SLC18B1: variants seen among roughly 807,000 people sequenced by gnomAD.
SLC18B1 encodes the protein MFS-type transporter SLC18B1.
In SLC18B1, 62 loss-of-function variants were observed where a neutral mutation model predicts 53.9. The observed-to-expected ratio is 1.15, with a 90% confidence interval of 0.94 to 1.42. The LOEUF is 1.42. Among genes scored for constraint, SLC18B1 ranks in the 40% most tolerant of loss-of-function variants. SLC18B1 has a pLI of 0.00. For missense variants in SLC18B1, 598 were observed against 547.3 expected, an observed-to-expected ratio of 1.09 and a Z score of -0.93; for synonymous variants, 217 against 200.9, an observed-to-expected ratio of 1.08 and a Z score of -0.68.
chr6:132,770,980 A>G (rs1337416171), intron 12 of SLC18B1, 41 bp from the exon 13 acceptor site: 4 of 1,610,860 alleles, frequency 2.5e-6, no homozygotes. Context: ...TAAATTTTCC[A>G]AGTCAAGTTT....
In SLC18B1 at chr6:132,794,259, A is replaced by T. The variant is rs190518455; in HGVS notation, c.183+2723T>A. Among the ~76,000 whole-genome samples, 27 of 151,946 alleles carry T rather than the reference A, an allele frequency of 1.8e-4. No individual in the cohort carries two copies. The East Asian group carries it at 5.2e-3, about 29-fold the overall frequency. On this transcript the variant is annotated intron_variant, in intron 2 of 13. Coordinates refer to ENST00000275227, the MANE Select transcript of SLC18B1 (RefSeq NM_052831.3). ...GCTGGGACTACAGTCACGTGCCACC[A>T]TGCCTGGCTAATTTTTGTATTTTTA...
intron 2 of SLC18B1, among the ~76,000 whole-genome samples, chr6:132,791,831 G>A (rs118117902): frequency 0.02 from 3,113 of 152,238 alleles, 48 homozygotes; most frequent in Middle Eastern, 0.055. Context: ...GTGACAAATG[G>A]TTATGCTGTA....
chr6:132,783,052 G>C (rs1257220754), intron 6 of SLC18B1, among the ~76,000 whole-genome samples: 1 of 152,150 alleles, frequency 6.6e-6, no homozygotes, highest in Admixed American at 6.5e-5. Context: ...TGGGATTACA[G>C]AGATTAGCCA....
rs1562271308 is a variant in SLC18B1, at chr6:132,792,257, A to AGAGAGAGAGAGAGAGAGAG, written c.184-1986_184-1985insCTCTCTCTCTCTCTCTCTC. ...AAAGAAAGAAAGAAAGAAAGAAAGA[A>AGAGAGAGAGAGAGAGAGAG]AGAAAGAAAGAAAGAAAGAAAGAAA... On this transcript the variant is annotated intron_variant, in intron 2 of 13. Transcript: ENST00000275227. 1.8e-4 allele frequency among the ~76,000 whole-genome samples: 6 copies of AGAGAGAGAGAGAGAGAGAG among 33,398 alleles called. 1 individual carries two copies. The highest frequency in any genetic ancestry group is 8.1e-4 in the Admixed American group (3 of 3,698). 21.9% of individuals were successfully genotyped at this position (33,398 alleles called of 152,430 possible).
chr6:132,774,141 C>T (rs1582854289), intron 9 of SLC18B1, 81 bp downstream of exon 9: 1 of 869,600 alleles, frequency 1.1e-6, no homozygotes, highest in East Asian at 2.5e-5. Context: ...AAATACTAAA[C>T]TATACCAATG....
At chr6:132,781,501 G>A (rs1253674029) in intron 6 of SLC18B1, among the ~76,000 whole-genome samples, 2 of 152,142 alleles carry the variant, frequency 1.3e-5, no homozygotes, top group African/African-American at 4.8e-5. Flanking sequence ...GCTCACATCT[G>A]TAATCCCAGA....
At position 132,795,981 on chromosome 6, in the gene SLC18B1, G is replaced by C. The variant is rs554132130; in HGVS notation, c.183+1001C>G. ...TTATCCCAGCACTTTGGGAGGCCAA[G>C]GTAAGCAGATCACCTGAGGTCAGGA... On this transcript the variant is annotated intron_variant, in intron 2 of 13. Coordinates refer to ENST00000275227, the MANE Select transcript of SLC18B1 (RefSeq NM_052831.3). Among the ~76,000 whole-genome samples, 10 of 152,298 alleles carry C rather than the reference G, an allele frequency of 6.6e-5. 1 individual carries two copies. Among genetic ancestry groups the C allele is most frequent in the African/African-American group, 2.4e-4 (10 of 41,562 alleles).
Position 132,798,583 on chromosome 6 carries a change from C to G in SLC18B1, c.-127G>C. 1.0e-6 allele frequency: 1 copy of G among 998,464 alleles called. No individual in the cohort carries two copies. The highest frequency in any genetic ancestry group is 1.3e-6 in the Non-Finnish European group (1 of 743,106). The allele number at this position is 998,464 out of a possible 1,614,324, so 61.9% of individuals were successfully genotyped here. Reference sequence around the variant, plus strand: ...CAGCTGGAACCTGGCATCCCCGACTCCCTGCAGGCAGCGATCCGCCCGGCC... The same window carrying G: ...CAGCTGGAACCTGGCATCCCCGACTGCCTGCAGGCAGCGATCCGCCCGGCC... On this transcript the variant is annotated 5_prime_UTR_variant, in exon 1 of 14. Coordinates refer to ENST00000275227, the MANE Select transcript of SLC18B1 (RefSeq NM_052831.3).
At chr6:132,786,200 ATAGAACCTACCAT>A (rs1781366069) in intron 5 of SLC18B1, among the ~76,000 whole-genome samples, 2 of 152,192 alleles carry the variant, frequency 1.3e-5, no homozygotes, top group Non-Finnish European at 2.9e-5. Flanking sequence ...CCAAATGGCA[ATAGAACCTACCAT>A]AAACCTATCC....
At position 132,772,335 on chromosome 6, in the gene SLC18B1, C is replaced by T. The variant is rs543803198; in HGVS notation, c.1086-129G>A. On this transcript the variant is annotated intron_variant, in intron 10 of 13. Transcript: ENST00000275227. ...AAAAACCAACAGCAAGAATACTCTGCTTCTAAGATAAAAAGCAAATCTTAT... is the reference window on the plus strand; with the variant it reads ...AAAAACCAACAGCAAGAATACTCTGTTTCTAAGATAAAAAGCAAATCTTAT... 25 of 505,698 alleles carry T rather than the reference C, an allele frequency of 4.9e-5. 1 individual carries two copies. The South Asian group carries it at 8.6e-4, about 17-fold the overall frequency. 31.3% of individuals were successfully genotyped at this position (505,698 alleles called of 1,614,324 possible).
intron 2 of SLC18B1, among the ~76,000 whole-genome samples, chr6:132,791,066 A>G (rs1781512488): frequency 6.6e-6 from 1 of 152,246 alleles, no homozygotes; most frequent in African/African-American, 2.4e-5. Context: ...AAGTCCCGGA[A>G]CTATTGCAAA....
chr6:132,780,857 G>A lies in SLC18B1; in HGVS notation c.659-1453C>T, dbSNP rs538328002. On this transcript the variant is annotated intron_variant, in intron 6 of 13. Transcript: ENST00000275227. ...TTACAGGCATGAGCCACCACCCCTGGTAGGTGTTAGTTTCTTAATTATAAG... is the reference window on the plus strand; with the variant it reads ...TTACAGGCATGAGCCACCACCCCTGATAGGTGTTAGTTTCTTAATTATAAG... Among the ~76,000 whole-genome samples, 440 of 152,178 alleles carry A rather than the reference G, an allele frequency of 2.9e-3. 4 individuals carry two copies. The highest frequency in any genetic ancestry group is 0.01 in the African/African-American group (424 of 41,514).
In SLC18B1 at chr6:132,798,431, C is replaced by T. The variant is rs1370895403; in HGVS notation, c.26G>A (p.Gly9Glu). 2.0e-6 allele frequency: 3 copies of T among 1,529,974 alleles called. No individual in the cohort carries two copies. The highest frequency in any genetic ancestry group is 4.2e-5 in the Admixed American group (2 of 47,874). The allele number at this position is 1,529,974 out of a possible 1,614,324, so 94.8% of individuals were successfully genotyped here. ...ATGGTCACCTCCTGGTGCGCGTGGTCCCTCCAGGTCACCCAGCGCCTCCAT... is the reference window on the plus strand; with the variant it reads ...ATGGTCACCTCCTGGTGCGCGTGGTTCCTCCAGGTCACCCAGCGCCTCCAT... MEALGDLEGPRAPGGDDPA... is the reference protein window; with the variant it reads MEALGDLEEPRAPGGDDPA... The change falls in exon 1 of 14, where the codon GGA (glycine) becomes GAA (glutamate). Residue 9 changes from glycine (G) to glutamate (E), a missense_variant. Coordinates refer to ENST00000275227, the MANE Select transcript of SLC18B1 (RefSeq NM_052831.3).
At chr6:132,781,380 G>A (rs373929233) in intron 6 of SLC18B1, among the ~76,000 whole-genome samples, 14 of 152,036 alleles carry the variant, frequency 9.2e-5, no homozygotes, top group South Asian at 6.2e-4. Context: ...GTTGTCCTCA[G>A]GTGTGAGGGG....
At chr6:132,784,919 T>C (rs1781330837) in intron 5 of SLC18B1, among the ~76,000 whole-genome samples, 1 of 151,974 alleles carries the variant, frequency 6.6e-6, no homozygotes, top group Non-Finnish European at 1.5e-5. Context: ...TATATGTAGG[T>C]ACAGGAAGAT....
chr6:132,786,581 G>A (rs917414851), intron 5 of SLC18B1, among the ~76,000 whole-genome samples: 6 of 151,844 alleles, frequency 4.0e-5, no homozygotes, highest in African/African-American at 1.2e-4. Context: ...AAAAAGGTTG[G>A]GGGGAAGGAC....
In SLC18B1 at chr6:132,770,081, G is replaced by T. The variant is rs554958322; in HGVS notation, c.*189C>A. The T allele has an allele frequency of 1.2e-5, 5 of 427,198 alleles. No homozygotes were observed. The East Asian group carries it at 1.8e-4, about 16-fold the overall frequency. 26.5% of individuals were successfully genotyped at this position (427,198 alleles called of 1,614,324 possible). A position where few individuals can be genotyped will look rare whatever the true frequency, so the allele number is the denominator to read the frequency against. Reference sequence around the variant, plus strand: ...ATTTCAAATATAGCTGCTTCAGCAGGACAGCTTTTCAGTATCACAGTAAGT... The same window carrying T: ...ATTTCAAATATAGCTGCTTCAGCAGTACAGCTTTTCAGTATCACAGTAAGT... On this transcript the variant is annotated 3_prime_UTR_variant, in exon 14 of 14. Coordinates refer to ENST00000275227, the MANE Select transcript of SLC18B1 (RefSeq NM_052831.3).
rs1562271694 is a variant in SLC18B1 at position 132,792,357 on chromosome 6, G to GGAAGGAAGGA, written c.184-2086_184-2085insTCCTTCCTTC. 1.6e-3 allele frequency among the ~76,000 whole-genome samples: 163 copies of GGAAGGAAGGA among 100,884 alleles called. 11 individuals are homozygous for GGAAGGAAGGA. The highest frequency in any genetic ancestry group is 4.5e-3 in the Admixed American group (41 of 9,136). 66.2% of individuals were successfully genotyped at this position (100,884 alleles called of 152,430 possible). ...GAAGGAAGGAAGGAAGGAAGGAAGG[G>GGAAGGAAGGA]AAAGAAAGAAAAGAAGGAAAGAAAG... On this transcript the variant is annotated intron_variant, in intron 2 of 13. Transcript: ENST00000275227.
At chr6:132,792,288 A>AAAGAAAGAAAGGAAGG (rs770774646) in intron 2 of SLC18B1, among the ~76,000 whole-genome samples, 2 of 39,904 alleles carry the variant, frequency 5.0e-5, no homozygotes, top group Admixed American at 2.5e-4. Context: ...AGAAAGGAAG[A>AAAGAAAGAAAGGAAGG]AAGGAAGGAA....
Sources: allele counts gnomAD v4.1 joint callset (sites outside exome capture counted in the v4.1 genomes callset), GRCh38; gene constraint gnomAD v4.1.1; transcripts MANE v1.5; gene names NCBI Gene and HGNC (gene_info 2026-07-23, HGNC 2026-07-21).